The following PWWP2B variants were observed in gnomAD, a reference collection of about 807,000 sequenced individuals.
The protein encoded by PWWP2B is PWWP domain-containing protein 2B.
In PWWP2B, 9 loss-of-function variants were observed where a neutral mutation model predicts 15.5. That is an observed-to-expected ratio of 0.58 (90% CI 0.35 to 1.02). The LOEUF (loss-of-function observed/expected upper bound fraction) is 1.02, where lower values mean the gene tolerates loss of function less well. PWWP2B is among the 50% of genes least tolerant of loss of function. The probability of loss-of-function intolerance (pLI) is 0.02; values close to 1 mark genes in which losing one functional copy is unlikely to be tolerated. For synonymous variants in PWWP2B, 474 were observed against 403.6 expected (o/e 1.17, Z -2.09); for missense variants, 864 against 865.3 (o/e 1.00, Z 0.02).
rs779344630 is a variant in PWWP2B, at chr10:132,405,118, C to A, written c.618C>A (p.Ser206Arg). The change falls in exon 2 of 3, where the codon AGC becomes AGA. Residue 206 changes from serine to arginine, a missense_variant. Physicochemically the swap from Ser to Arg is moderately radical, Grantham distance 110 (BLOSUM62 -1). This residue lies in a region of PWWP2B where 736 missense variants were observed against 687.7 expected (regional missense o/e 1.07). Transcript: ENST00000305233. ...AAPRARRRLG[S>R]GPDRELRKPE... ...CCAGGGCCCGCAGGAGGCTGGGCAGCGGCCCGGACAGGGAGCTCCGCAAGC... is the reference window on the plus strand; with the variant it reads ...CCAGGGCCCGCAGGAGGCTGGGCAGAGGCCCGGACAGGGAGCTCCGCAAGC... The A allele has an allele frequency of 7.8e-6, 12 of 1,540,794 alleles. No homozygotes were observed. Among genetic ancestry groups the A allele is most frequent in the South Asian group, 4.8e-5 (4 of 83,778 alleles).
At chr10:132,402,068 C>T (rs2069622210) in intron 1 of PWWP2B, among the ~76,000 whole-genome samples, 1 of 152,230 alleles carries the variant, frequency 6.6e-6, no homozygotes, top group Non-Finnish European at 1.5e-5. Flanking sequence ...CTTGTCCAGT[C>T]CCTGGGCACT....
intron 1 of PWWP2B, among the ~76,000 whole-genome samples, chr10:132,400,338 C>T (rs751835361): frequency 5.3e-5 from 8 of 152,076 alleles, no homozygotes; most frequent in Non-Finnish European, 1.0e-4. Context: ...GGGGTGGGGG[C>T]CTGGCCTTGT....
At chr10:132,412,604 G>A (rs1162184656) in intron 2 of PWWP2B, among the ~76,000 whole-genome samples, 2 of 152,210 alleles carry the variant, frequency 1.3e-5, no homozygotes, top group African/African-American at 2.4e-5. Context: ...CTGGGGCTCC[G>A]CCTACCGTTG....
chr10:132,397,408 G>A, intron 1 of PWWP2B, 57 bp downstream of exon 1: 1 of 1,168,394 alleles, frequency 8.6e-7, no homozygotes, highest in African/African-American at 1.6e-5. Flanking sequence ...ACCCGCCTCC[G>A]CCGCCCGGAG....
At position 132,397,286 on chromosome 10, in the gene PWWP2B, G is replaced by A; in HGVS notation, c.60G>A (p.Ala20=). 1 of 1,419,250 alleles carries A rather than the reference G, an allele frequency of 7.0e-7. No homozygotes were observed. The allele number at this position is 1,419,250 out of a possible 1,614,324, so 87.9% of individuals were successfully genotyped here. A position where few individuals can be genotyped will look rare whatever the true frequency, so the allele number is the denominator to read the frequency against. ...GGGTGGAGCAGGTCGTCAACGGCGC[G>A]CTGGTGGTCACGGTGAGCTGCGGCG... ...PVRVEQVVNG[A]LVVTVSCGER... The change falls in exon 1 of 3, where the codon GCG becomes GCA. Residue 20 remains alanine (A), a synonymous_variant. Transcript: ENST00000305233.
intron 2 of PWWP2B, among the ~76,000 whole-genome samples, chr10:132,408,803 G>C (rs867999576): frequency 3.9e-5 from 6 of 152,238 alleles, no homozygotes; most frequent in African/African-American, 1.4e-4. Flanking sequence ...AGCTTGCTGC[G>C]GGGCTGGAGG....
chr10:132,401,093 C>G (rs2133147006), intron 1 of PWWP2B, among the ~76,000 whole-genome samples: 1 of 152,342 alleles, frequency 6.6e-6, no homozygotes, highest in African/African-American at 2.4e-5. Context: ...GGCGAGGCCC[C>G]AGGGCCGCCA....
chr10:132,412,897 C>T (rs916431068), intron 2 of PWWP2B, among the ~76,000 whole-genome samples: 4 of 150,536 alleles, frequency 2.7e-5, no homozygotes, highest in African/African-American at 4.9e-5. Context: ...TAGTTGGGTT[C>T]GATCCACACA....
intron 1 of PWWP2B, among the ~76,000 whole-genome samples, chr10:132,404,206 G>A (rs1018136463): frequency 1.1e-4 from 16 of 152,142 alleles, no homozygotes; most frequent in African/African-American, 3.9e-4. Flanking sequence ...GGCTGAGCCT[G>A]TGAGCAAGGA....
Position 132,406,572 on chromosome 10 carries a change from G to A in PWWP2B, c.*16+283G>A, listed in dbSNP as rs749368557. Among the ~76,000 whole-genome samples the A allele has an allele frequency of 7.3e-4, 111 of 152,390 alleles. 4 individuals carry two copies. Among genetic ancestry groups the A allele is most frequent in the Non-Finnish European group, 3.5e-4 (24 of 68,042 alleles). Reference sequence around the variant, plus strand: ...GTTTGGCAGCCATTTTTCAAAGGCCGGAAGGGAGCTTCTCATGCTCTCAGT... The same window carrying A: ...GTTTGGCAGCCATTTTTCAAAGGCCAGAAGGGAGCTTCTCATGCTCTCAGT... On this transcript the variant is annotated intron_variant, in intron 2 of 2. Coordinates refer to ENST00000305233, the MANE Select transcript of PWWP2B (RefSeq NM_138499.4).
chr10:132,413,938 G>A (rs913877453), intron 2 of PWWP2B, among the ~76,000 whole-genome samples: 1 of 152,154 alleles, frequency 6.6e-6, no homozygotes, highest in East Asian at 1.9e-4. Flanking sequence ...ACGAGACTCC[G>A]ACCCCGTGTC....
chr10:132,415,657 GCACTCA>G (rs2069842112), intron 2 of PWWP2B, among the ~76,000 whole-genome samples: 1 of 114,592 alleles, frequency 8.7e-6, no homozygotes. Context: ...ACACACACAT[GCACTCA>G]CACACTCACA....
At chr10:132,414,708 T>C (rs1006268607) in intron 2 of PWWP2B, among the ~76,000 whole-genome samples, 1 of 152,234 alleles carries the variant, frequency 6.6e-6, no homozygotes, top group Non-Finnish European at 1.5e-5. Flanking sequence ...TTTGTAGGAA[T>C]GCGTTTGTGT....
Position 132,416,423 on chromosome 10 carries a change from G to A in PWWP2B, c.*17-638G>A, listed in dbSNP as rs138673281. Among the ~76,000 whole-genome samples, 387 of 152,324 alleles carry A rather than the reference G, an allele frequency of 2.5e-3. 2 individuals carry two copies. Among genetic ancestry groups the A allele is most frequent in the African/African-American group, 8.9e-3 (370 of 41,576 alleles). ...CAGGGCCCAGGGTTGGCCCTGGGTT[G>A]CGGGGCTGACGGGATCGTCTGTCCC... On this transcript the variant is annotated intron_variant, in intron 2 of 2. Coordinates refer to ENST00000305233, the MANE Select transcript of PWWP2B (RefSeq NM_138499.4).
At chr10:132,416,164 C>T (rs943320574) in intron 2 of PWWP2B, among the ~76,000 whole-genome samples, 2 of 152,178 alleles carry the variant, frequency 1.3e-5, no homozygotes, top group Middle Eastern at 3.4e-3. Context: ...AGTGACTTCT[C>T]GGCGGGGCTG....
chr10:132,408,295 G>T (rs374396675), intron 2 of PWWP2B, among the ~76,000 whole-genome samples: 38 of 152,362 alleles, frequency 2.5e-4, no homozygotes, highest in African/African-American at 9.1e-4. Context: ...GGGATCTCCC[G>T]CCCTCTGTGG....
At chr10:132,397,696 G>C (rs1195378567) in intron 1 of PWWP2B, among the ~76,000 whole-genome samples, 1 of 152,178 alleles carries the variant, frequency 6.6e-6, no homozygotes, top group East Asian at 1.9e-4. Flanking sequence ...CAGAATTGTC[G>C]TTAAAGCAGG....
intron 2 of PWWP2B, among the ~76,000 whole-genome samples, chr10:132,416,608 G>A (rs973485763): frequency 1.3e-5 from 2 of 152,132 alleles, no homozygotes; most frequent in Non-Finnish European, 2.9e-5. Context: ...CCCCATGCGT[G>A]GGGCTGTGTC....
chr10:132,406,248 A>C lies in PWWP2B; in HGVS notation c.1748A>C (p.Glu583Ala). The C allele has an allele frequency of 6.2e-7, 1 of 1,611,242 alleles. No individual in the cohort carries two copies. Among genetic ancestry groups the C allele is most frequent in the African/African-American group, 1.3e-5 (1 of 75,016 alleles). ...AARHVAPEIR[E>A]LLTQFET is the part of the protein sequence containing the mutation. The stretch of plus-strand genomic sequence containing the variant: ...AGACACGTGGCCCCGGAAATCAGGG[A>C]GCTCTTAACCCAGTTTGAAACGTAA... Residue 583 changes from glutamate (E) to alanine (A), a missense_variant, in exon 2 of 3, where the codon GAG becomes GCG. Transcript: ENST00000305233.
Sources: allele counts gnomAD v4.1 joint callset (sites outside exome capture counted in the v4.1 genomes callset), GRCh38; gene constraint gnomAD v4.1.1; regional missense constraint gnomAD v4.1.1; transcripts MANE v1.5; gene names NCBI Gene and HGNC (gene_info 2026-07-23, HGNC 2026-07-21).